Variants in NDC1 observed in about 807,000 individuals in gnomAD.
The protein encoded by NDC1 is nucleoporin NDC1.
NDC1 carries 24 observed loss-of-function variants against 89.8 expected under a neutral mutation model. The observed-to-expected ratio is 0.27, with a 90% CI of 0.19 to 0.38. The LOEUF (loss-of-function observed/expected upper bound fraction) is 0.38. NDC1 is among the 10% of genes least tolerant of loss of function. The pLI, the probability that NDC1 is intolerant of heterozygous loss-of-function variation, is 1.00. For missense variants in NDC1, 728 were observed against 797.6 expected, an observed-to-expected ratio of 0.91 and a Z score of 1.05; for synonymous variants, 296 against 284.8, an observed-to-expected ratio of 1.04 and a Z score of -0.39.
intron 7 of NDC1, 45 bp downstream of exon 7, chr1:53,809,650 A>G: frequency 7.3e-7 from 1 of 1,371,664 alleles, no homozygotes; most frequent in Non-Finnish European, 1.0e-6. Flanking sequence ...AACATCTAAA[A>G]GAATGGAAAC....
chr1:53,818,878 T>C (rs72662323), intron 6 of NDC1, 93 bp downstream of exon 6: 82,398 of 627,748 alleles, frequency 0.13, 6,090 homozygotes, highest in Middle Eastern at 0.19. Flanking sequence ...CCTATAACTG[T>C]AGAAAACACA....
chr1:53,819,472 C>G (rs1026521412), intron 5 of NDC1, among the ~76,000 whole-genome samples: 17 of 152,258 alleles, frequency 1.1e-4, no homozygotes, highest in African/African-American at 3.6e-4. Context: ...CATAAGAACC[C>G]TGTAAGGGAG....
intron 6 of NDC1, among the ~76,000 whole-genome samples, chr1:53,811,933 C>A (rs1452824386): frequency 6.6e-6 from 1 of 152,180 alleles, no homozygotes; most frequent in Non-Finnish European, 1.5e-5. Flanking sequence ...CATCACAGGA[C>A]TCTGTGCAGA....
chr1:53,794,464 T>C (rs1439456891), intron 13 of NDC1, among the ~76,000 whole-genome samples: 1 of 152,210 alleles, frequency 6.6e-6, no homozygotes, highest in Non-Finnish European at 1.5e-5. Context: ...GCAGTACTAA[T>C]GGCATATAGA....
rs1293223220 is a variant in NDC1, at chr1:53,838,238, G to C, written c.24C>G (p.Pro8=). 4 of 1,536,836 alleles carry C rather than the reference G, an allele frequency of 2.6e-6. No homozygotes were observed. The highest frequency in any genetic ancestry group is 2.6e-6 in the Non-Finnish European group (3 of 1,145,944). ...GTATGTCCCGCGACCTGCCGGCGCA[G>C]GGCCGGCTCACGGCCGTGGCCATGG... MATAVSR[P]CAGRSRDILW... is the part of the protein sequence containing the mutation. The change falls in exon 1 of 18, where the codon CCC becomes CCG. Residue 8 remains proline (P), a synonymous_variant. Transcript: ENST00000371429.
chr1:53,837,238 TGGA>T (rs1368336569), intron 1 of NDC1, among the ~76,000 whole-genome samples: 3 of 152,256 alleles, frequency 2.0e-5, no homozygotes, highest in African/African-American at 7.2e-5. Context: ...AAGACCAGGC[TGGA>T]GAAGATATCG....
At chr1:53,793,116 A>G in intron 14 of NDC1, 113 bp downstream of exon 14, 2 of 932,192 alleles carry the variant, frequency 2.1e-6, no homozygotes, top group Non-Finnish European at 3.4e-6. Flanking sequence ...AAAGCTGCCT[A>G]GCTTGCTAGG....
chr1:53,821,430 G>A (rs951987825), intron 5 of NDC1, among the ~76,000 whole-genome samples: 24 of 152,164 alleles, frequency 1.6e-4, no homozygotes, highest in African/African-American at 5.8e-4. Context: ...GTGACAGAGC[G>A]AGACTGTCTC....
At chr1:53,786,195 G>C (rs57636358) in intron 16 of NDC1, among the ~76,000 whole-genome samples, 17,778 of 152,078 alleles carry the variant, frequency 0.12, 1,172 homozygotes, top group Non-Finnish European at 0.15. Context: ...CAAAGTGTTG[G>C]GATTATAGGT....
Position 53,828,284 on chromosome 1 carries a change from CCA to C in NDC1, c.281-113_281-112del, listed in dbSNP as rs149432552. On this transcript the variant is annotated intron_variant, in intron 3 of 17. Coordinates refer to ENST00000371429, the MANE Select transcript of NDC1 (RefSeq NM_018087.5). ...AAATGTTCCAAAGGCAGAGAGAAAT[CCA>C]CAGTCAACGCAAATACAATACAGAA... The C allele has an allele frequency of 0.012, 12,224 of 981,234 alleles. 584 individuals are homozygous for C. The African/African-American group carries it at 0.13, about 10-fold the overall frequency. The allele number at this position is 981,234 out of a possible 1,614,324, so 60.8% of individuals were successfully genotyped here.
Position 53,767,598 on chromosome 1 carries a change from AT to A in NDC1, c.*371del. ...AACTCTTAATTAAGAAGACTATGAAATCAACCTATACTCATTTCAGAACTGG... is the reference window on the plus strand; with the variant it reads ...AACTCTTAATTAAGAAGACTATGAAACAACCTATACTCATTTCAGAACTGG... On this transcript the variant is annotated 3_prime_UTR_variant, in exon 18 of 18. Transcript: ENST00000371429. 6.3e-6 allele frequency: 1 copy of A among 159,940 alleles called. No individual in the cohort carries two copies. Among genetic ancestry groups the A allele is most frequent in the Non-Finnish European group, 1.4e-5 (1 of 73,360 alleles). 9.9% of individuals were successfully genotyped at this position (159,940 alleles called of 1,614,324 possible).
intron 14 of NDC1, among the ~76,000 whole-genome samples, chr1:53,792,966 T>C (rs1039239034): frequency 1.3e-5 from 2 of 152,222 alleles, no homozygotes; most frequent in Admixed American, 1.3e-4. Flanking sequence ...GGAAGGGGTC[T>C]GTGTTGCCTA....
intron 8 of NDC1, among the ~76,000 whole-genome samples, chr1:53,806,977 T>C (rs1648128991): frequency 6.6e-6 from 1 of 152,020 alleles, no homozygotes; most frequent in Non-Finnish European, 1.5e-5. Context: ...CTGGGTGGAG[T>C]GGCTCACACC....
intron 9 of NDC1, 132 bp from the exon 10 acceptor site, chr1:53,804,141 C>T (rs1648023322): frequency 3.1e-6 from 2 of 651,066 alleles, no homozygotes; most frequent in Non-Finnish European, 2.6e-6. Context: ...AATCTCAGAA[C>T]CATAACCTTC....
chr1:53,777,482 G>A (rs751402352), intron 16 of NDC1, among the ~76,000 whole-genome samples: 2 of 152,120 alleles, frequency 1.3e-5, no homozygotes, highest in Admixed American at 6.5e-5. Context: ...TGGTATAAGC[G>A]TTAAATTAAG....
At chr1:53,798,784 A>T (rs1345056744) in intron 11 of NDC1, among the ~76,000 whole-genome samples, 2 of 151,908 alleles carry the variant, frequency 1.3e-5, no homozygotes, top group East Asian at 3.9e-4. Flanking sequence ...CAAACTCCTG[A>T]CCTCAAATGA....
chr1:53,804,604 G>C (rs540804202), intron 9 of NDC1, among the ~76,000 whole-genome samples: 42 of 152,180 alleles, frequency 2.8e-4, no homozygotes, highest in African/African-American at 9.9e-4. Context: ...AGCCTCCCGA[G>C]TGGCTGGGAC....
intron 13 of NDC1, among the ~76,000 whole-genome samples, chr1:53,795,393 A>G (rs183826741): frequency 3.5e-4 from 54 of 152,224 alleles, no homozygotes; most frequent in Non-Finnish European, 6.5e-4. Context: ...CTATATGCCT[A>G]ATTTCTTACT....
At chr1:53,783,778 G>A (rs1008841680) in intron 16 of NDC1, among the ~76,000 whole-genome samples, 6 of 152,084 alleles carry the variant, frequency 3.9e-5, no homozygotes, top group Admixed American at 1.3e-4. Flanking sequence ...TTATGATTCC[G>A]CAAGAAGGCC....
Sources: gnomAD v4.1 joint callset for allele counts (sites outside exome capture counted in the v4.1 genomes callset) on GRCh38, gnomAD v4.1.1 for gene constraint, MANE v1.5 for transcripts, NCBI Gene and HGNC (gene_info 2026-07-23, HGNC 2026-07-21) for gene names.